The following SORBS3 variants were observed in gnomAD, a reference collection of about 807,000 sequenced individuals.
SORBS3 encodes the protein vinexin.
Under a neutral mutation model 98.0 loss-of-function variants are expected in SORBS3, and 69 were observed. That is an observed-to-expected ratio of 0.70 (90% confidence interval 0.58 to 0.86). SORBS3 has a LOEUF of 0.86. Ranked by LOEUF, SORBS3 falls within the 40% of genes least tolerant of loss-of-function variation. SORBS3 has a pLI of 0.00. For synonymous variants in SORBS3, 394 were observed against 355.4 expected, an observed-to-expected ratio of 1.11 and a Z score of -1.22; for missense variants, 954 against 908.5, an observed-to-expected ratio of 1.05 and a Z score of -0.64.
At chr8:22,562,503 TCA>T (rs1840317545) in intron 7 of SORBS3, among the ~76,000 whole-genome samples, 1 of 152,226 alleles carries the variant, frequency 6.6e-6, no homozygotes, top group South Asian at 2.1e-4. Flanking sequence ...ATCTTTGCTC[TCA>T]GAGTTAAATC....
rs756521187 is a variant in SORBS3, at chr8:22,572,361, C to T, written c.1869C>T (p.Tyr623=). The change falls in exon 20 of 21, where the codon TAC becomes TAT. Residue 623 remains tyrosine (Y), a synonymous_variant. Coordinates refer to ENST00000240123, the MANE Select transcript of SORBS3 (RefSeq NM_005775.5). ...HWTPYRAMYQ[Y]RPQNEDELEL... is the part of the protein sequence containing the mutation. ...GCAGGTACCGGGCGATGTACCAGTACAGGCCCCAGAACGAAGACGAGCTGG... is the reference window on the plus strand; with the variant it reads ...GCAGGTACCGGGCGATGTACCAGTATAGGCCCCAGAACGAAGACGAGCTGG... 2.5e-6 allele frequency: 4 copies of T among 1,613,944 alleles called. No homozygotes were observed. The South Asian group carries it at 3.3e-5, about 13-fold the overall frequency.
chr8:22,566,351 C>G lies in SORBS3; in HGVS notation c.957C>G (p.Ala319=). 6.2e-7 allele frequency: 1 copy of G among 1,613,460 alleles called. No homozygotes were observed. The highest frequency in any genetic ancestry group is 1.1e-5 in the South Asian group (1 of 91,074). Residue 319 remains alanine, a synonymous_variant, in exon 13 of 21, where the codon GCC becomes GCG. Transcript: ENST00000240123. ...APEQRPPAGP[A]SAWSSSYPHA... ...GTCTCTGTGCCCCGTGCAGCCCGGCCTCAGCCTGGAGCTCCAGCTACCCAC... is the reference window on the plus strand; with the variant it reads ...GTCTCTGTGCCCCGTGCAGCCCGGCGTCAGCCTGGAGCTCCAGCTACCCAC...
upstream of SORBS3, among the ~76,000 whole-genome samples, chr8:22,546,974 T>C (rs986980735): frequency 6.6e-5 from 10 of 152,166 alleles, no homozygotes; most frequent in African/African-American, 2.4e-4. Context: ...GTAGAAAAGC[T>C]AAATCCAGCA....
At chr8:22,555,002 A>C in intron 3 of SORBS3, 22 bp downstream of exon 3, 5 of 1,590,864 alleles carry the variant, frequency 3.1e-6, no homozygotes, top group Non-Finnish European at 4.3e-6. Flanking sequence ...CAGGAGCCTC[A>C]TGCTGGAGAT....
chr8:22,557,648 A>T (rs1840210324), intron 4 of SORBS3, among the ~76,000 whole-genome samples: 1 of 152,146 alleles, frequency 6.6e-6, no homozygotes, highest in Non-Finnish European at 1.5e-5. Context: ...TCTATAAAAA[A>T]AAAAATAAAA....
chr8:22,545,362 G>C (rs1840005879), intron 1 of SORBS3: 1 of 152,282 alleles, frequency 6.6e-6, no homozygotes, highest in African/African-American at 2.4e-5. Flanking sequence ...TAACAATAGG[G>C]CTTTGTGCCA....
chr8:22,565,437 G>T, intron 11 of SORBS3, 83 bp downstream of exon 11: 2 of 1,133,410 alleles, frequency 1.8e-6, no homozygotes, highest in Non-Finnish European at 2.4e-6. Context: ...GGCTGGGCTG[G>T]GCGGAGGACG....
chr8:22,559,932 T>A (rs1341955111), intron 5 of SORBS3, among the ~76,000 whole-genome samples: 4 of 149,512 alleles, frequency 2.7e-5, no homozygotes, highest in Non-Finnish European at 5.9e-5. Context: ...TTGGGCATGG[T>A]GGTGTGCACC....
intron 3 of SORBS3, 151 bp downstream of exon 3, chr8:22,555,131 G>C: frequency 1.5e-6 from 1 of 677,912 alleles, no homozygotes; most frequent in Non-Finnish European, 2.5e-6. Flanking sequence ...CTCACTATGA[G>C]CCCCTCCCTG....
chr8:22,569,110 C>A (rs974020412), intron 16 of SORBS3, 38 bp from the exon 17 acceptor site: 4 of 1,586,244 alleles, frequency 2.5e-6, no homozygotes, highest in Non-Finnish European at 3.4e-6. Flanking sequence ...TATGTTGATG[C>A]CCAGGCCAAA....
At chr8:22,571,686 T>C in intron 18 of SORBS3, 32 bp from the exon 19 acceptor site, 2 of 1,530,500 alleles carry the variant, frequency 1.3e-6, no homozygotes, top group Non-Finnish European at 1.8e-6. Context: ...TCTTCCTCCC[T>C]CTGACATCCC....
chr8:22,565,872 G>A lies in SORBS3; in HGVS notation c.950G>A (p.Gly317Asp), dbSNP rs554479283. Residue 317 changes from glycine to aspartate, a missense_variant and splice_region_variant, in exon 12 of 21, where the codon GGC (glycine) becomes GAC (aspartate). By Grantham distance (94) the Gly-to-Asp change is moderately conservative. Transcript: ENST00000240123. ...RRAPEQRPPA[G>D]PASAWSSSYP... ...GCCCCGGAGCAGCGGCCCCCGGCCG[G>A]GTGAGTGGGAGACGCGGGAGGAGGA... The A allele has an allele frequency of 2.1e-3, 2,671 of 1,262,214 alleles. 3 individuals carry two copies. The highest frequency in any genetic ancestry group is 9.9e-3 in the Admixed American group (234 of 23,750). The allele number at this position is 1,262,214 out of a possible 1,614,324, so 78.2% of individuals were successfully genotyped here. A position where few individuals can be genotyped will look rare whatever the true frequency, so the allele number is the denominator to read the frequency against.
chr8:22,563,954 G>T, intron 7 of SORBS3, 33 bp from the exon 8 acceptor site: 1 of 1,554,098 alleles, frequency 6.4e-7, no homozygotes, highest in South Asian at 1.1e-5. Context: ...CTCCCTAAAA[G>T]GAAGCTGAAG....
intron 16 of SORBS3, among the ~76,000 whole-genome samples, chr8:22,567,581 A>G (rs1330746522): frequency 1.3e-5 from 2 of 152,254 alleles, no homozygotes; most frequent in African/African-American, 4.8e-5. Context: ...CTCACTGCCC[A>G]GAGAGTGATA....
At chr8:22,566,271 C>T (rs1431546116) in intron 12 of SORBS3, 74 bp from the exon 13 acceptor site, 1 of 1,511,628 alleles carries the variant, frequency 6.6e-7, no homozygotes, top group African/African-American at 1.4e-5. Context: ...GATGGGGGGT[C>T]AGAGCGGTCT....
Position 22,558,125 on chromosome 8 carries a change from C to G in SORBS3, c.415-4C>G, listed in dbSNP as rs1483214227. ...AGGACTGACTTTGCATTTTCTGATC[C>G]CAGAGCGTTGACAGACCCAGAGACT... On this transcript the variant is annotated splice_polypyrimidine_tract_variant and splice_region_variant and intron_variant, in intron 4 of 20. Transcript: ENST00000240123. The G allele has an allele frequency of 6.2e-7, 1 of 1,613,914 alleles. No individual in the cohort carries two copies. The highest frequency in any genetic ancestry group is 8.5e-7 in the Non-Finnish European group (1 of 1,179,968).
Position 22,554,331 on chromosome 8 carries a change from A to G in SORBS3, c.-55-121A>G. The stretch of plus-strand genomic sequence containing the variant: ...CTGTTTCCTGGGTCCTTGAGCTAGT[A>G]CCCAGCTGGTCCTGACCCCCTCCCA... On this transcript the variant is annotated intron_variant, in intron 1 of 20. Transcript: ENST00000240123. The surrounding 1 kb of genome is among the most constrained non-coding windows in gnomAD (Gnocchi z 6.5). 1 of 1,030,476 alleles carries G rather than the reference A, an allele frequency of 9.7e-7. No homozygotes were observed. Among genetic ancestry groups the G allele is most frequent in the Non-Finnish European group, 1.4e-6 (1 of 740,010 alleles). 63.8% of individuals were successfully genotyped at this position (1,030,476 alleles called of 1,614,324 possible). A position where few individuals can be genotyped will look rare whatever the true frequency, so the allele number is the denominator to read the frequency against.
At chr8:22,565,900 G>A in intron 12 of SORBS3, 28 bp downstream of exon 12, 1 of 1,237,402 alleles carries the variant, frequency 8.1e-7, no homozygotes, top group Non-Finnish European at 1.0e-6. Flanking sequence ...GAGGAGGAAG[G>A]GGGCTGTCCC....
chr8:22,569,287 G>T lies in SORBS3; in HGVS notation c.1431+14G>T. On this transcript the variant is annotated intron_variant, in intron 17 of 20. Transcript: ENST00000240123. The stretch of plus-strand genomic sequence containing the variant: ...TCCTTCCGCAAGGTGGGCCAGGCCG[G>T]AGACGGAGGGGTGGGTGGGGGCAGG... The T allele has an allele frequency of 6.3e-7, 1 of 1,576,526 alleles. No individual in the cohort carries two copies. The highest frequency in any genetic ancestry group is 8.6e-7 in the Non-Finnish European group (1 of 1,160,008).
Sources: gnomAD v4.1 joint callset for allele counts (sites outside exome capture counted in the v4.1 genomes callset) on GRCh38, gnomAD v4.1.1 for gene constraint, Gnocchi (gnomAD v3.1) non-coding constraint, MANE v1.5 for transcripts, NCBI Gene and HGNC (gene_info 2026-07-23, HGNC 2026-07-21) for gene names.